Variants in CACNA2D1 observed in about 807,000 individuals in gnomAD.
CACNA2D1 encodes voltage-dependent calcium channel subunit alpha-2/delta-1.
A neutral mutation model predicts 171.5 loss-of-function variants in CACNA2D1; 53 were observed. The ratio of observed to expected loss-of-function variants is 0.31; its 90% CI spans 0.25 to 0.39. CACNA2D1 has a LOEUF of 0.39. Among genes scored for constraint, CACNA2D1 ranks in the 10% least tolerant of loss-of-function variants. The pLI is 1.00. For missense variants in CACNA2D1, 903 were observed against 1,299.8 expected (o/e 0.69, Z 4.69); for synonymous variants, 442 against 443.1 (o/e 1.00, Z 0.03).
rs993994990 is a variant in CACNA2D1, at chr7:82,232,653, C to T, written c.295-62044G>A. ...GGCCGAGGTGGGCAGATCACGAGGT[C>T]AGGAGATGGAGACCATCCTGGCTAA... On this transcript the variant is annotated intron_variant, in intron 3 of 38. Transcript: ENST00000356860. Among the ~76,000 whole-genome samples, 3 of 151,806 alleles carry T rather than the reference C, an allele frequency of 2.0e-5. No homozygotes were observed. The South Asian group carries it at 6.2e-4, about 31-fold the overall frequency.
chr7:82,132,168 C>T (rs551488142), intron 5 of CACNA2D1, among the ~76,000 whole-genome samples: 1 of 152,148 alleles, frequency 6.6e-6, no homozygotes, highest in South Asian at 2.1e-4. Flanking sequence ...CAGTACAGCA[C>T]CCAATTTTAT....
chr7:82,210,271 T>C (rs182223550), intron 3 of CACNA2D1, among the ~76,000 whole-genome samples: 1 of 152,310 alleles, frequency 6.6e-6, no homozygotes, highest in African/African-American at 2.4e-5. Context: ...TCTAATCTTA[T>C]TTGAAGTATG....
intron 30 of CACNA2D1, 108 bp downstream of exon 30, chr7:81,967,488 G>A: frequency 1.5e-6 from 1 of 680,660 alleles, no homozygotes; most frequent in African/African-American, 1.8e-5. Flanking sequence ...CTACTTCAGT[G>A]TAGTGGTATT....
chr7:81,956,779 C>T lies in CACNA2D1; in HGVS notation c.3159+2496G>A, dbSNP rs919099952. The stretch of plus-strand genomic sequence containing the variant: ...ACTTGGAAACCAATGACAAACACAA[C>T]GAAAGTGCGTGCTCTAGTAATACAT... On this transcript the variant is annotated intron_variant, in intron 38 of 38. Coordinates refer to ENST00000356860, the MANE Select transcript of CACNA2D1 (RefSeq NM_000722.4). 4.6e-5 allele frequency among the ~76,000 whole-genome samples: 7 copies of T among 152,012 alleles called. No individual in the cohort carries two copies. The East Asian group carries it at 1.2e-3, about 25-fold the overall frequency.
chr7:82,292,234 A>G (rs1223282204), intron 3 of CACNA2D1, among the ~76,000 whole-genome samples: 1 of 152,168 alleles, frequency 6.6e-6, no homozygotes, highest in African/African-American at 2.4e-5. Flanking sequence ...CAACAGGATC[A>G]AATATATTCA....
intron 2 of CACNA2D1, among the ~76,000 whole-genome samples, chr7:82,340,093 T>C (rs1350891683): frequency 1.3e-5 from 2 of 152,184 alleles, no homozygotes; most frequent in Non-Finnish European, 2.9e-5. Flanking sequence ...ATCTCCAGAA[T>C]TGTAAGATAA....
intron 3 of CACNA2D1, among the ~76,000 whole-genome samples, chr7:82,310,183 T>C (rs901735288): frequency 3.3e-5 from 5 of 151,958 alleles, no homozygotes; most frequent in African/African-American, 1.2e-4. Context: ...AGTTCAAAAT[T>C]ACTTCCTAGG....
In CACNA2D1 at chr7:82,128,860, A is replaced by C. The variant is rs545028738; in HGVS notation, c.396+7775T>G. 6.6e-5 allele frequency among the ~76,000 whole-genome samples: 10 copies of C among 151,924 alleles called. No homozygotes were observed. In the South Asian group the frequency reaches 1.9e-3, roughly 28 times the overall value. ...TCCCCTGAATGCTGGTGTTCTGAGGAGTCTATCTTGTATTGTCTTAAGGTA... is the reference window on the plus strand; with the variant it reads ...TCCCCTGAATGCTGGTGTTCTGAGGCGTCTATCTTGTATTGTCTTAAGGTA... On this transcript the variant is annotated intron_variant, in intron 5 of 38. Transcript: ENST00000356860.
chr7:81,974,352 A>G, intron 25 of CACNA2D1, 103 bp downstream of exon 25: 1 of 607,394 alleles, frequency 1.6e-6, no homozygotes, highest in Non-Finnish European at 3.0e-6. Flanking sequence ...AAGTAAATAA[A>G]CAACCAGCAC....
At chr7:82,307,126 G>A (rs1813834154) in intron 3 of CACNA2D1, among the ~76,000 whole-genome samples, 2 of 151,990 alleles carry the variant, frequency 1.3e-5, no homozygotes, top group Admixed American at 6.6e-5. Flanking sequence ...CTTAACTTAG[G>A]AGAAAAAATA....
intron 7 of CACNA2D1, among the ~76,000 whole-genome samples, chr7:82,073,557 G>A (rs532788675): frequency 6.6e-6 from 1 of 152,064 alleles, no homozygotes; most frequent in Admixed American, 6.6e-5. Context: ...AATAAAGAAA[G>A]ATTGCTTTGG....
intron 1 of CACNA2D1, among the ~76,000 whole-genome samples, chr7:82,442,857 T>G (rs73160434): frequency 2.0e-5 from 3 of 152,290 alleles, no homozygotes; most frequent in Non-Finnish European, 4.4e-5. Flanking sequence ...GTGCATCCAG[T>G]AACGTGGGAT....
At chr7:82,090,904 T>A in intron 6 of CACNA2D1, among the ~76,000 whole-genome samples, 1 of 152,182 alleles carries the variant, frequency 6.6e-6, no homozygotes, top group South Asian at 2.1e-4. Flanking sequence ...ATAAATAAGG[T>A]AGTCATTTAT....
chr7:82,073,369 C>T (rs982232665), intron 7 of CACNA2D1, among the ~76,000 whole-genome samples: 20 of 152,086 alleles, frequency 1.3e-4, no homozygotes, highest in Admixed American at 1.0e-3. Context: ...ACCTATTATA[C>T]ACTATATGCA....
intron 3 of CACNA2D1, among the ~76,000 whole-genome samples, chr7:82,277,890 C>A (rs1402454748): frequency 6.6e-6 from 1 of 151,552 alleles, no homozygotes; most frequent in African/African-American, 2.4e-5. Context: ...GGACCACAGG[C>A]ACATGCCACC....
chr7:82,388,098 A>C (rs1034897593), intron 1 of CACNA2D1, among the ~76,000 whole-genome samples: 26 of 151,418 alleles, frequency 1.7e-4, no homozygotes, highest in East Asian at 1.4e-3. Context: ...AACAAACAAC[A>C]AAAAAAACAA....
chr7:82,355,753 C>T (rs1189844058), intron 1 of CACNA2D1, among the ~76,000 whole-genome samples: 1 of 152,020 alleles, frequency 6.6e-6, no homozygotes, highest in Non-Finnish European at 1.5e-5. Flanking sequence ...TTCTCAGCAT[C>T]TGTCTTTGAT....
At position 82,186,230 on chromosome 7, in the gene CACNA2D1, AGAAGGAAG is replaced by A. The variant is rs1158760300; in HGVS notation, c.295-15629_295-15622del. Among the ~76,000 whole-genome samples, 41 of 108,462 alleles carry A rather than the reference AGAAGGAAG, an allele frequency of 3.8e-4. 1 individual carries two copies. Among genetic ancestry groups the A allele is most frequent in the East Asian group, 2.2e-3 (6 of 2,676 alleles). 71.2% of individuals were successfully genotyped at this position (108,462 alleles called of 152,430 possible). On this transcript the variant is annotated intron_variant, in intron 3 of 38. Transcript: ENST00000356860. ...GAGGGAGGGAGGGAAAGAGAGAGAG[AGAAGGAAG>A]GAAGGAAGGAAGGAAGAAAGGAAGG... is the stretch of plus-strand genomic sequence containing the variant.
intron 38 of CACNA2D1, among the ~76,000 whole-genome samples, chr7:81,957,230 C>T (rs1168015300): frequency 2.6e-5 from 4 of 152,090 alleles, no homozygotes; most frequent in South Asian, 2.1e-4. Context: ...AATTTTTACA[C>T]AAAAACTTTA....
Sources: gnomAD v4.1 joint callset for allele counts (sites outside exome capture counted in the v4.1 genomes callset) on GRCh38, gnomAD v4.1.1 for gene constraint, MANE v1.5 for transcripts, NCBI Gene and HGNC (gene_info 2026-07-23, HGNC 2026-07-21) for gene names.